OTOP1: variants seen among roughly 807,000 people sequenced by gnomAD.
OTOP1 encodes otopetrin 1, also known as proton channel OTOP1.
In OTOP1, 59 loss-of-function variants were observed where a neutral mutation model predicts 52.9. That is an observed-to-expected ratio of 1.12 (90% CI 0.91 to 1.39). The LOEUF is 1.39. OTOP1 is among the 40% of genes most tolerant of loss of function. OTOP1 has a pLI of 0.00. For missense variants in OTOP1, 761 were observed against 800.9 expected (o/e 0.95, Z 0.60); for synonymous variants, 317 against 337.7 (o/e 0.94, Z 0.67).
chr4:4,190,334 T>C (rs1418422673), intron 5 of OTOP1, among the ~76,000 whole-genome samples: 1 of 152,058 alleles, frequency 6.6e-6, no homozygotes, highest in African/African-American at 2.4e-5. Context: ...ATTAGCCAGG[T>C]ATGGCGGCAT....
At chr4:4,208,780 TAAA>T (rs34906027) in intron 2 of OTOP1, among the ~76,000 whole-genome samples, 23,475 of 146,192 alleles carry the variant, frequency 0.16, 2,332 homozygotes, top group Non-Finnish European at 0.23. Context: ...ATTGTCAAAC[TAAA>T]AAAAAAAAAA....
chr4:4,195,676 T>C (rs961607588), intron 5 of OTOP1, among the ~76,000 whole-genome samples: 1 of 152,220 alleles, frequency 6.6e-6, no homozygotes, highest in Non-Finnish European at 1.5e-5. Flanking sequence ...TCTCATGAGA[T>C]AATTAAACAT....
chr4:4,216,686 T>C (rs1717159105), intron 1 of OTOP1, among the ~76,000 whole-genome samples: 1 of 152,220 alleles, frequency 6.6e-6, no homozygotes, highest in Non-Finnish European at 1.5e-5. Flanking sequence ...TGCTTTGAAA[T>C]GTTCTGACAA....
chr4:4,197,769 G>C lies in OTOP1; in HGVS notation c.1065C>G (p.Ile355Met), dbSNP rs1170663638. The change falls in exon 5 of 6, where the codon ATC becomes ATG. Residue 355 changes from isoleucine to methionine, a missense_variant. Transcript: ENST00000296358. ...CAGCCCCCATAAGCATCAGCAGGGT[G>C]ATGGCATACAGGTAGAACATGATGA... ...SALIMFYLYA[I>M]TLLMLMGAAG... The C allele has an allele frequency of 1.9e-6, 3 of 1,613,910 alleles. No individual in the cohort carries two copies. Among genetic ancestry groups the C allele is most frequent in the African/African-American group, 2.7e-5 (2 of 74,878 alleles).
At chr4:4,213,279 A>C (rs929625820) in intron 1 of OTOP1, among the ~76,000 whole-genome samples, 1 of 152,248 alleles carries the variant, frequency 6.6e-6, no homozygotes, top group African/African-American at 2.4e-5. Context: ...TCTAAATATA[A>C]AAGTATAAAC....
Position 4,226,547 on chromosome 4 carries a change from CCA to C in OTOP1, c.316_317del (p.Trp106AspfsTer30). The C allele has an allele frequency of 6.2e-7, 1 of 1,603,992 alleles. No homozygotes were observed. The highest frequency in any genetic ancestry group is 2.2e-5 in the East Asian group (1 of 44,470). On this transcript the variant is annotated frameshift_variant, in exon 1 of 6. Transcript: ENST00000296358. LOFTEE classifies it high-confidence loss of function. ...AGCTGCGGCCCACGTACCACAGCATCCACAGCAGCTGCAGCAGCATGAGCGCC... is the reference window on the plus strand; with the variant it reads ...AGCTGCGGCCCACGTACCACAGCATCCAGCAGCTGCAGCAGCATGAGCGCC... Reference protein sequence around the residue: ...LTALMLLQLLWMLWYVGRSSA... With the variant: ...LTALMLLQLLXMLWYVGRSSA...
chr4:4,202,295 T>C (rs1577178251), intron 4 of OTOP1, among the ~76,000 whole-genome samples, 153 bp downstream of exon 4: 1 of 151,950 alleles, frequency 6.6e-6, no homozygotes, highest in East Asian at 1.9e-4. Context: ...TTTTGGAAGA[T>C]TTTCAACAAC....
intron 5 of OTOP1, among the ~76,000 whole-genome samples, chr4:4,191,392 C>T (rs767921320): frequency 3.0e-4 from 46 of 152,146 alleles, no homozygotes; most frequent in Non-Finnish European, 6.6e-4. Context: ...CTTGATCAAA[C>T]CCCCAAAGTC....
intron 5 of OTOP1, 66 bp downstream of exon 5, chr4:4,197,100 C>A: frequency 3.4e-6 from 5 of 1,473,182 alleles, no homozygotes; most frequent in South Asian, 1.3e-5. Flanking sequence ...GCATGTGTAC[C>A]CCTTGAACCG....
intron 1 of OTOP1, among the ~76,000 whole-genome samples, chr4:4,219,871 A>ATG (rs1370764228): frequency 9.5e-5 from 14 of 146,654 alleles, no homozygotes; most frequent in South Asian, 6.3e-4. Context: ...ATATGTATAC[A>ATG]TATATGTATA....
chr4:4,211,232 T>C (rs1265737567), intron 2 of OTOP1, among the ~76,000 whole-genome samples: 2 of 152,212 alleles, frequency 1.3e-5, no homozygotes, highest in Non-Finnish European at 2.9e-5. Context: ...GGATAAAAGA[T>C]GAAGTTTTAA....
intron 1 of OTOP1, among the ~76,000 whole-genome samples, chr4:4,216,721 A>G (rs1717160218): frequency 6.6e-6 from 1 of 152,242 alleles, no homozygotes; most frequent in Non-Finnish European, 1.5e-5. Flanking sequence ...TTAATTACAA[A>G]AAAACATAGC....
In OTOP1 at chr4:4,219,243, T is replaced by C. The variant is rs114695255; in HGVS notation, c.404-6239A>G. ...CCTAGTTACATGATCTTTACACAAA[T>C]TGCACTTTTAACAAAGTAATAAAGG... On this transcript the variant is annotated intron_variant, in intron 1 of 5. Transcript: ENST00000296358. Among the ~76,000 whole-genome samples the C allele has an allele frequency of 9.6e-3, 1,456 of 152,258 alleles. 32 individuals are homozygous for C. Among genetic ancestry groups the C allele is most frequent in the African/African-American group, 0.032 (1,338 of 41,562 alleles).
rs1308297082 is a variant in OTOP1, at chr4:4,212,923, A to G, written c.485T>C (p.Leu162Ser). 3 of 1,614,164 alleles carry G rather than the reference A, an allele frequency of 1.9e-6. No individual in the cohort carries two copies. In the East Asian group the frequency reaches 6.7e-5, roughly 36 times the overall value. The change falls in exon 2 of 6, where the codon TTA becomes TCA. Residue 162 changes from leucine to serine, a missense_variant. Leu to Ser is a moderately radical substitution (Grantham distance 145). Coordinates refer to ENST00000296358, the MANE Select transcript of OTOP1 (RefSeq NM_177998.3). ...TGGGAAAACTCCTTCAGTGGCTGAT[A>G]AACATTCTGAAAATCCAATGAAGTA... ...IGYFIGFSEC[L>S]SATEGVFPVT...
intron 4 of OTOP1, among the ~76,000 whole-genome samples, chr4:4,200,624 G>A (rs1259165060): frequency 2.7e-5 from 4 of 149,794 alleles, no homozygotes; most frequent in South Asian, 2.1e-4. Context: ...CACAAACACA[G>A]CTCACTGCAG....
chr4:4,217,351 T>C (rs1717175840), intron 1 of OTOP1, among the ~76,000 whole-genome samples: 1 of 152,210 alleles, frequency 6.6e-6, no homozygotes, highest in African/African-American at 2.4e-5. Context: ...GGCAACAGAC[T>C]TTTTCTGTGC....
At chr4:4,196,960 T>G (rs966313337) in intron 5 of OTOP1, among the ~76,000 whole-genome samples, 2 of 152,104 alleles carry the variant, frequency 1.3e-5, no homozygotes, top group African/African-American at 4.8e-5. Context: ...CAGGGACTAC[T>G]AGGGGGAGAG....
intron 1 of OTOP1, among the ~76,000 whole-genome samples, chr4:4,221,043 C>CTATTT (rs144687423): frequency 0.063 from 8,126 of 129,348 alleles, 463 homozygotes; most frequent in African/African-American, 0.14. Flanking sequence ...TTATTTTATT[C>CTATTT]TATTTTATTT....
chr4:4,212,246 G>A (rs1717041882), intron 2 of OTOP1, among the ~76,000 whole-genome samples: 1 of 152,100 alleles, frequency 6.6e-6, no homozygotes, highest in Non-Finnish European at 1.5e-5. Flanking sequence ...CTGACCCTAA[G>A]CTGTGTATTT....
Sources: allele counts gnomAD v4.1 joint callset (sites outside exome capture counted in the v4.1 genomes callset), GRCh38; gene constraint gnomAD v4.1.1; transcripts MANE v1.5; gene names NCBI Gene and HGNC (gene_info 2026-07-23, HGNC 2026-07-21).